The following RIPOR2 variants were observed in gnomAD, a reference collection of about 807,000 sequenced individuals.
RIPOR2 encodes RHO family interacting cell polarization regulator 2.
A neutral mutation model predicts 114.5 loss-of-function variants in RIPOR2; 39 were observed. The observed-to-expected ratio is 0.34, with a 90% confidence interval of 0.26 to 0.44. RIPOR2 has a LOEUF of 0.44. RIPOR2 is among the 20% of genes least tolerant of loss of function. The pLI is 1.00. For missense variants in RIPOR2, 1,007 were observed against 1,255.1 expected, an observed-to-expected ratio of 0.80 and a Z score of 2.99; for synonymous variants, 445 against 484.4, an observed-to-expected ratio of 0.92 and a Z score of 1.07.
intron 1 of RIPOR2, among the ~76,000 whole-genome samples, chr6:24,927,185 C>T (rs1417332921): frequency 1.5e-4 from 1 of 6,690 alleles, no homozygotes. Flanking sequence ...ACCACCATGA[C>T]CACCACCACA....
Position 24,861,030 on chromosome 6 carries a change from A to T in RIPOR2, c.658T>A (p.Cys220Ser). ...TTCTCTAGCTCCACTTCAATGGTGC[A>T]CATATTCTGCAAAGAGGACAGGAGA... The part of the protein sequence containing the change: ...RSFKEYTENM[C>S]TIEVELENLL... Residue 220 changes from cysteine to serine, a missense_variant, in exon 8 of 22, where the codon TGC (cysteine) becomes AGC (serine). By Grantham distance (112) the Cys-to-Ser change is moderately radical. Transcript: ENST00000643898. 6.2e-7 allele frequency: 1 copy of T among 1,608,920 alleles called. No homozygotes were observed. The highest frequency in any genetic ancestry group is 1.7e-4 in the Middle Eastern group (1 of 6,058).
chr6:24,976,314 A>G (rs1774040069), intron 1 of RIPOR2: 1 of 770,024 alleles, frequency 1.3e-6, no homozygotes, highest in Admixed American at 2.6e-5. Flanking sequence ...AACCACTTAA[A>G]TTGTGTTTTT....
At chr6:24,982,386 G>A (rs1278137753) in intron 1 of RIPOR2, among the ~76,000 whole-genome samples, 1 of 152,214 alleles carries the variant, frequency 6.6e-6, no homozygotes, top group Non-Finnish European at 1.5e-5. Flanking sequence ...GAATGTGAAT[G>A]AAATTAATTT....
chr6:25,023,559 C>T lies in RIPOR2; in HGVS notation c.76+18292G>A, dbSNP rs916003308. Reference sequence around the variant, plus strand: ...AGCTCAGCAAATTTCAAGCCCAGGCCTTGTTTGATTTTGCACACCTCCCAG... The same window carrying T: ...AGCTCAGCAAATTTCAAGCCCAGGCTTTGTTTGATTTTGCACACCTCCCAG... On this transcript the variant is annotated intron_variant, in intron 1 of 13. Coordinates refer to the RIPOR2 transcript ENST00000510784. 3 of 772,684 alleles carry T rather than the reference C, an allele frequency of 3.9e-6. No homozygotes were observed. In the East Asian group the frequency reaches 7.3e-5, roughly 19 times the overall value. The allele number at this position is 772,684 out of a possible 1,614,324, so 47.9% of individuals were successfully genotyped here. A position where few individuals can be genotyped will look rare whatever the true frequency, so the allele number is the denominator to read the frequency against.
intron 1 of RIPOR2, among the ~76,000 whole-genome samples, chr6:24,981,401 A>G (rs1440639777): frequency 6.6e-6 from 1 of 152,206 alleles, no homozygotes; most frequent in Non-Finnish European, 1.5e-5. Context: ...CTGAAGCCTA[A>G]TGGAGGGAAA....
intron 1 of RIPOR2, among the ~76,000 whole-genome samples, chr6:24,974,003 A>G (rs1004717188): frequency 6.6e-6 from 1 of 152,212 alleles, no homozygotes; most frequent in African/African-American, 2.4e-5. Flanking sequence ...TACTATGTTC[A>G]CTACCTGGGT....
chr6:25,021,846 G>A (rs1294498109), intron 1 of RIPOR2, among the ~76,000 whole-genome samples: 2 of 152,172 alleles, frequency 1.3e-5, no homozygotes, highest in African/African-American at 4.8e-5. Flanking sequence ...AGACTGTGGA[G>A]GGTCCCAACA....
rs1203531335 is a variant in RIPOR2, at chr6:24,849,857, C to T, written c.979G>A (p.Ala327Thr). ...ELFAARPQVV[A>T]VDINDLGTIK... ...GTACCAAGGTCATTGATGTCGACAG[C>T]CACTACCTGAGGTCGGGCTGCAAAC... Residue 327 changes from alanine to threonine, a missense_variant, in exon 11 of 22, where the codon GCT (alanine) becomes ACT (threonine). By Grantham distance (58) the Ala-to-Thr change is moderately conservative. Transcript: ENST00000643898. 2 of 1,613,754 alleles carry T rather than the reference C, an allele frequency of 1.2e-6. No individual in the cohort carries two copies. The highest frequency in any genetic ancestry group is 2.7e-5 in the African/African-American group (2 of 74,910).
At chr6:25,010,214 C>T (rs923681702) in intron 1 of RIPOR2, among the ~76,000 whole-genome samples, 3 of 152,134 alleles carry the variant, frequency 2.0e-5, no homozygotes, top group Non-Finnish European at 4.4e-5. Flanking sequence ...GGACAGATCC[C>T]TCATGAACAG....
chr6:24,926,046 C>G (rs1770837932), intron 1 of RIPOR2, among the ~76,000 whole-genome samples: 1 of 152,074 alleles, frequency 6.6e-6, no homozygotes, highest in African/African-American at 2.4e-5. Flanking sequence ...CAAAACACCA[C>G]TAGAGGGAAC....
chr6:24,820,029 T>C (rs969241370), intron 19 of RIPOR2, among the ~76,000 whole-genome samples: 3 of 152,028 alleles, frequency 2.0e-5, no homozygotes, highest in African/African-American at 2.4e-5. Flanking sequence ...TTTTCTATTT[T>C]TATTTATTTA....
chr6:24,904,891 C>T (rs1164595007), intron 1 of RIPOR2, among the ~76,000 whole-genome samples: 1 of 152,208 alleles, frequency 6.6e-6, no homozygotes, highest in East Asian at 1.9e-4. Flanking sequence ...TCTCCTACTT[C>T]AGCCTCCTGA....
At chr6:24,982,540 A>C (rs542622758) in intron 1 of RIPOR2, among the ~76,000 whole-genome samples, 1 of 152,352 alleles carries the variant, frequency 6.6e-6, no homozygotes, top group East Asian at 1.9e-4. Flanking sequence ...TCAGGCACCA[A>C]ATATTTATTA....
intron 1 of RIPOR2, among the ~76,000 whole-genome samples, chr6:25,031,735 ATATATATATATAT>A (rs1561855819): frequency 1.3e-4 from 14 of 108,790 alleles, no homozygotes; most frequent in Non-Finnish European, 2.2e-4. Context: ...ATATATATAT[ATATATATATATAT>A]ATAAAATATC....
chr6:24,975,079 G>A (rs1168582421), intron 1 of RIPOR2, among the ~76,000 whole-genome samples: 1 of 152,178 alleles, frequency 6.6e-6, no homozygotes, highest in Non-Finnish European at 1.5e-5. Flanking sequence ...GGTGATAGTA[G>A]TACAGCTCTG....
At chr6:24,868,706 C>T (rs973538184) in intron 6 of RIPOR2, among the ~76,000 whole-genome samples, 1 of 152,150 alleles carries the variant, frequency 6.6e-6, no homozygotes, top group African/African-American at 2.4e-5. Context: ...GTTATAAGGC[C>T]TTCATGAAGA....
At chr6:24,998,020 G>A (rs1460154894) in intron 1 of RIPOR2, among the ~76,000 whole-genome samples, 1 of 152,212 alleles carries the variant, frequency 6.6e-6, no homozygotes, top group East Asian at 1.9e-4. Flanking sequence ...CTTAGGAATA[G>A]AGCTTGATTT....
At chr6:24,899,539 C>T (rs929486442) in intron 1 of RIPOR2, among the ~76,000 whole-genome samples, 1 of 152,174 alleles carries the variant, frequency 6.6e-6, no homozygotes, top group South Asian at 2.1e-4. Context: ...GTAAACCATG[C>T]GTGAATTAAC....
intron 1 of RIPOR2, among the ~76,000 whole-genome samples, chr6:25,003,265 A>ATTTTTTTTTTTTT (rs1775398249): frequency 6.6e-6 from 1 of 152,096 alleles, no homozygotes; most frequent in African/African-American, 2.4e-5. Flanking sequence ...CAGAAAACAT[A>ATTTTTTTTTTTTT]TTTTGACTTC....
Sources: allele counts gnomAD v4.1 joint callset (sites outside exome capture counted in the v4.1 genomes callset), GRCh38; gene constraint gnomAD v4.1.1; transcripts MANE v1.5; gene names NCBI Gene and HGNC (gene_info 2026-07-23, HGNC 2026-07-21).